The following ARID3C variants were observed in gnomAD, a reference collection of about 807,000 sequenced individuals.
ARID3C encodes AT-rich interactive domain-containing protein 3C.
A neutral mutation model predicts 37.9 loss-of-function variants in ARID3C; 42 were observed. The ratio of observed to expected loss-of-function variants is 1.11; its 90% confidence interval spans 0.87 to 1.43. ARID3C has a LOEUF of 1.43. Ranked by LOEUF, ARID3C falls within the 40% of genes most tolerant of loss-of-function variation. The pLI is 0.00. For synonymous variants in ARID3C, 213 were observed against 228.0 expected (o/e 0.93, Z 0.59); for missense variants, 581 against 548.8 (o/e 1.06, Z -0.59).
At chr9:34,631,573 A>G (rs367953714), upstream of ARID3C, among the ~76,000 whole-genome samples, 48 of 152,208 alleles carry the variant, frequency 3.2e-4, no homozygotes, top group African/African-American at 1.0e-3. Flanking sequence ...AGTCCTTATT[A>G]TAATGGTACA....
At chr9:34,624,424 T>C (rs1820627128) in intron 2 of ARID3C, among the ~76,000 whole-genome samples, 1 of 152,248 alleles carries the variant, frequency 6.6e-6, no homozygotes, top group Admixed American at 6.5e-5. Flanking sequence ...CCCAACTATT[T>C]AAACAAGTAA....
At chr9:34,623,787 C>G (rs1488620813) in intron 3 of ARID3C, 73 bp from the exon 5 acceptor site, 3 of 1,501,598 alleles carry the variant, frequency 2.0e-6, no homozygotes, top group Non-Finnish European at 2.7e-6. Context: ...GCCGGACGCC[C>G]GCCCGGGGAC....
chr9:34,622,339 C>T lies in ARID3C; in HGVS notation c.1048+8G>A, dbSNP rs1317255039. The stretch of plus-strand genomic sequence containing the variant: ...CCCGAAGCCCCCTCACAACAAGCCC[C>T]TCCTCACCCCTCAGGGGAACCTTGC... On this transcript the variant is annotated splice_region_variant and intron_variant, in intron 5 of 6. Transcript: ENST00000378909. 2 of 1,599,842 alleles carry T rather than the reference C, an allele frequency of 1.3e-6. No homozygotes were observed. The highest frequency in any genetic ancestry group is 8.5e-7 in the Non-Finnish European group (1 of 1,173,016).
chr9:34,621,921 A>G (rs1820569802), intron 6 of ARID3C, 99 bp downstream of exon 7: 2 of 1,201,292 alleles, frequency 1.7e-6, no homozygotes, highest in East Asian at 4.7e-5. Context: ...AAGTTTAGAT[A>G]TCCCTGAACT....
chr9:34,628,879 C>T (rs1424695895), upstream of ARID3C, among the ~76,000 whole-genome samples: 3 of 152,082 alleles, frequency 2.0e-5, no homozygotes, highest in African/African-American at 4.8e-5. The surrounding 1 kb of genome is among the most constrained non-coding windows in gnomAD (Gnocchi z 5.2). Flanking sequence ...TCGCGACGCC[C>T]GGCTCCCTCG....
At position 34,627,823 on chromosome 9, in the gene ARID3C, CT is replaced by C; in HGVS notation, c.191del (p.Glu64GlyfsTer71). The C allele has an allele frequency of 6.2e-7, 1 of 1,612,292 alleles. No individual in the cohort carries two copies. The highest frequency in any genetic ancestry group is 8.5e-7 in the Non-Finnish European group (1 of 1,179,280). ...CTGCCTCCTCCTCTGCCCCGGCTTC[CT>C]CCCGCTTCTCCTCATCTTCTTCAGC... On this transcript the variant is annotated frameshift_variant, in exon 1 of 7. Coordinates refer to ENST00000378909, the Ensembl canonical transcript of ARID3C. LOFTEE classifies it high-confidence loss of function.
exon 4 of ARID3C, chr9:34,623,591 C>A: frequency 6.2e-7 from 1 of 1,608,622 alleles, no homozygotes; most frequent in South Asian, 1.1e-5. Context: ...AGCCGAAGAG[C>A]GGAGTAGCGG....
chr9:34,630,949 G>C (rs927657732), upstream of ARID3C, among the ~76,000 whole-genome samples: 1 of 152,168 alleles, frequency 6.6e-6, no homozygotes, highest in Non-Finnish European at 1.5e-5. Context: ...TCCTGGGGCA[G>C]AGCCAAGCCT....
At chr9:34,626,016 A>C (rs572142728) in intron 1 of ARID3C, among the ~76,000 whole-genome samples, 1 of 152,294 alleles carries the variant, frequency 6.6e-6, no homozygotes, top group South Asian at 2.1e-4. Context: ...AGAGACTGGT[A>C]CTGGTAGTGG....
chr9:34,621,467 G>C (rs755450027), exon 7 of ARID3C: 5 of 1,526,310 alleles, frequency 3.3e-6, no homozygotes, highest in Non-Finnish European at 4.4e-6. Flanking sequence ...CTCAGGGCAA[G>C]ATGCTGGAAG....
At chr9:34,623,615 A>T in exon 4 of ARID3C, 1 of 1,607,280 alleles carries the variant, frequency 6.2e-7, no homozygotes, top group Non-Finnish European at 8.5e-7. Context: ...AAGCCTGGCG[A>T]CGGCCCTCGC....
chr9:34,621,871 T>C, intron 6 of ARID3C, 149 bp downstream of exon 7: 2 of 803,706 alleles, frequency 2.5e-6, no homozygotes, highest in Admixed American at 2.3e-5. Context: ...CTTTAACCCA[T>C]GCCAGTCTAG....
intron 1 of ARID3C, among the ~76,000 whole-genome samples, chr9:34,626,865 C>T (rs1385946084): frequency 1.3e-5 from 2 of 152,130 alleles, no homozygotes; most frequent in Non-Finnish European, 2.9e-5. Flanking sequence ...CAGATCAACA[C>T]TTTTGGAATA....
chr9:34,624,088 A>T, intron 2 of ARID3C, 41 bp from the exon 4 acceptor site: 1 of 1,531,236 alleles, frequency 6.5e-7, no homozygotes, highest in Non-Finnish European at 8.8e-7. Context: ...TGAGACGAAG[A>T]CCCTGTCTGC....
rs971975857 is a variant in ARID3C at position 34,627,673 on chromosome 9, G to A, written c.318+24C>T. 1.5e-5 allele frequency: 24 copies of A among 1,563,250 alleles called. No individual in the cohort carries two copies. In the East Asian group the frequency reaches 2.0e-4, roughly 13 times the overall value. On this transcript the variant is annotated intron_variant, in intron 1 of 6. Coordinates refer to ENST00000378909, the Ensembl canonical transcript of ARID3C. Reference sequence around the variant, plus strand: ...GAAGAGAGAGATAGGGAAGAGGGCCGGACATTGAGGGCATAGGTCCTACCT... The same window carrying A: ...GAAGAGAGAGATAGGGAAGAGGGCCAGACATTGAGGGCATAGGTCCTACCT...
At chr9:34,625,412 G>C (rs10972175) in intron 2 of ARID3C, among the ~76,000 whole-genome samples, 1 of 152,134 alleles carries the variant, frequency 6.6e-6, no homozygotes, top group South Asian at 2.1e-4. Context: ...GGAAAACAGG[G>C]AAGACATGGC....
At chr9:34,621,440 A>G in exon 7 of ARID3C, 1 of 1,478,570 alleles carries the variant, frequency 6.8e-7, no homozygotes, top group Non-Finnish European at 9.0e-7. Context: ...TGGGACTCTT[A>G]GTTTCAAGTA....
In ARID3C at chr9:34,622,065, T is replaced by A. The variant is rs984584676; in HGVS notation, c.1093A>T (p.Ser365Cys). 7.4e-6 allele frequency: 12 copies of A among 1,614,018 alleles called. No individual in the cohort carries two copies. The highest frequency in any genetic ancestry group is 1.0e-5 in the Non-Finnish European group (12 of 1,180,024). Residue 365 changes from serine (S) to cysteine (C), a missense_variant, in exon 6 of 7, where the codon AGC (serine) becomes TGC (cysteine). By Grantham distance (112) the Ser-to-Cys change is moderately radical (BLOSUM62 -1). Coordinates refer to ENST00000378909, the Ensembl canonical transcript of ARID3C. ...ATCTCTAGGGCCATGTTGATACTGC[T>A]GATGCCACTGCCTGCCAGATTAAGA...
rs745521294 is a variant in ARID3C, at chr9:34,622,503, G to T, written c.892C>A (p.Leu298Met). ...AGTGCCAGGCCCACAGGCAGTGCCA[G>T]ACAAGGGTTTGGAATTCCACTCTCC... The change falls in exon 5 of 7, where the codon CTG becomes ATG. Residue 298 changes from leucine to methionine, a missense_variant. Coordinates refer to ENST00000378909, the Ensembl canonical transcript of ARID3C. The T allele has an allele frequency of 2.4e-5, 39 of 1,609,698 alleles. 1 individual carries two copies. In the South Asian group the frequency reaches 4.1e-4, roughly 17 times the overall value.
Sources: allele counts gnomAD v4.1 joint callset (sites outside exome capture counted in the v4.1 genomes callset), GRCh38; gene constraint gnomAD v4.1.1; non-coding constraint Gnocchi (gnomAD v3.1); transcripts MANE v1.5; gene names NCBI Gene and HGNC (gene_info 2026-07-23, HGNC 2026-07-21).